Variants in JAZF1 observed in about 807,000 individuals in gnomAD.
JAZF1 encodes the protein juxtaposed with another zinc finger protein 1.
Under a neutral mutation model 26.4 loss-of-function variants are expected in JAZF1, and 8 were observed. The observed-to-expected ratio is 0.30, with a 90% CI of 0.18 to 0.55. The LOEUF (loss-of-function observed/expected upper bound fraction) is 0.55. JAZF1 is among the 20% of genes least tolerant of loss of function. The pLI, the probability that JAZF1 is intolerant of heterozygous loss-of-function variation, is 0.94. For missense variants in JAZF1, 199 were observed against 322.0 expected (o/e 0.62, Z 2.92); for synonymous variants, 126 against 122.3 (o/e 1.03, Z -0.20).
At chr7:28,006,634 C>T (rs566277347) in intron 1 of JAZF1, among the ~76,000 whole-genome samples, 5 of 152,268 alleles carry the variant, frequency 3.3e-5, no homozygotes, top group African/African-American at 4.8e-5. Context: ...TCTCCTGACC[C>T]ACCCCACTTC....
At chr7:27,869,648 C>T (rs553814625) in intron 3 of JAZF1, among the ~76,000 whole-genome samples, 3 of 152,184 alleles carry the variant, frequency 2.0e-5, no homozygotes, top group African/African-American at 4.8e-5. Flanking sequence ...ACATCCAGGA[C>T]GGGGCAGGCC....
At chr7:27,951,230 C>T (rs1184346769) in intron 2 of JAZF1, among the ~76,000 whole-genome samples, 1 of 152,154 alleles carries the variant, frequency 6.6e-6, no homozygotes, top group Non-Finnish European at 1.5e-5. Context: ...TCTGGGTGTG[C>T]TAACTTCCCT....
intron 2 of JAZF1, among the ~76,000 whole-genome samples, chr7:27,972,082 T>C (rs1430762378): frequency 1.3e-5 from 2 of 152,088 alleles, no homozygotes; most frequent in Non-Finnish European, 2.9e-5. Context: ...ACGACCAAGA[T>C]GGACAAAATC....
chr7:28,116,635 G>A (rs1156450671), intron 1 of JAZF1, among the ~76,000 whole-genome samples: 1 of 151,806 alleles, frequency 6.6e-6, no homozygotes, highest in African/African-American at 2.4e-5. Context: ...GCAGAGACGG[G>A]GTTTCACCAT....
At chr7:27,841,849 A>T (rs541366162) in intron 3 of JAZF1, 176 of 152,322 alleles carry the variant, frequency 1.2e-3, no homozygotes, top group African/African-American at 4.2e-3. Context: ...GTGTAAAATA[A>T]TATGTTGACA....
chr7:28,014,526 G>A (rs917559076), intron 1 of JAZF1, among the ~76,000 whole-genome samples: 4 of 152,190 alleles, frequency 2.6e-5, no homozygotes, highest in East Asian at 3.8e-4. Flanking sequence ...TTTTAAAAAG[G>A]GGAGTTTCCC....
chr7:28,082,900 C>T (rs1784158776), intron 1 of JAZF1, among the ~76,000 whole-genome samples: 1 of 152,206 alleles, frequency 6.6e-6, no homozygotes, highest in Admixed American at 6.5e-5. Flanking sequence ...ATTCCCAGCT[C>T]AGAACCCACC....
intron 1 of JAZF1, among the ~76,000 whole-genome samples, chr7:28,137,048 C>T (rs535223703): frequency 2.7e-4 from 41 of 152,334 alleles, no homozygotes; most frequent in Non-Finnish European, 4.9e-4. Context: ...ACAAGCTAGG[C>T]ATCCTGATAC....
intron 1 of JAZF1, among the ~76,000 whole-genome samples, chr7:28,165,929 T>C (rs1159326485): frequency 6.6e-6 from 1 of 152,226 alleles, no homozygotes; most frequent in African/African-American, 2.4e-5. Context: ...AGTGCCTGCA[T>C]AGTTGGCACT....
At chr7:27,929,898 T>G (rs1784657610) in intron 2 of JAZF1, among the ~76,000 whole-genome samples, 1 of 151,580 alleles carries the variant, frequency 6.6e-6, no homozygotes, top group African/African-American at 2.4e-5. Flanking sequence ...TTGGGAGAAT[T>G]TATTTCCTTC....
chr7:27,945,180 C>T (rs947275518), intron 2 of JAZF1, among the ~76,000 whole-genome samples: 2 of 151,896 alleles, frequency 1.3e-5, no homozygotes, highest in South Asian at 2.1e-4. Flanking sequence ...TTAAGCACAC[C>T]GCTGTTGGAC....
intron 2 of JAZF1, among the ~76,000 whole-genome samples, chr7:27,989,090 G>T (rs754500841): frequency 6.6e-6 from 1 of 151,836 alleles, no homozygotes; most frequent in Non-Finnish European, 1.5e-5. Flanking sequence ...CCAAAACAGA[G>T]ATGTAGACCA....
chr7:28,010,188 C>T (rs1337809425), intron 1 of JAZF1, among the ~76,000 whole-genome samples: 2 of 152,172 alleles, frequency 1.3e-5, no homozygotes, highest in East Asian at 1.9e-4. Flanking sequence ...GTCTCTCTTG[C>T]CTTTGGTTAG....
intron 1 of JAZF1, 64 bp from the exon 2 acceptor site, chr7:27,992,045 A>G (rs547862114): frequency 1.1e-6 from 1 of 911,996 alleles, no homozygotes; most frequent in Non-Finnish European, 1.8e-6. Context: ...AGGCTACCTA[A>G]CACAAAGTAA....
intron 2 of JAZF1, among the ~76,000 whole-genome samples, chr7:27,974,618 C>A (rs1176804384): frequency 3.9e-5 from 6 of 152,090 alleles, no homozygotes; most frequent in Admixed American, 3.9e-4. Context: ...GAATTCTCCA[C>A]GTCCACTAAG....
intron 1 of JAZF1, among the ~76,000 whole-genome samples, chr7:28,059,685 C>T (rs1315716155): frequency 6.6e-6 from 1 of 152,136 alleles, no homozygotes; most frequent in Non-Finnish European, 1.5e-5. Context: ...GCTCCTCTTT[C>T]CCTGGTCTGA....
intron 2 of JAZF1, among the ~76,000 whole-genome samples, chr7:27,959,747 A>AG (rs1036496413): frequency 6.6e-6 from 1 of 151,948 alleles, no homozygotes; most frequent in Admixed American, 6.6e-5. Context: ...TAAAAATAAA[A>AG]AAATTAGCTG....
intron 1 of JAZF1, among the ~76,000 whole-genome samples, chr7:28,176,306 A>G (rs942997562): frequency 1.3e-5 from 2 of 152,230 alleles, no homozygotes; most frequent in Non-Finnish European, 2.9e-5. Context: ...GATCACATGA[A>G]TAACTGAATT....
intron 1 of JAZF1, among the ~76,000 whole-genome samples, chr7:27,998,445 AAT>A (rs1262849745): frequency 6.6e-6 from 1 of 152,246 alleles, no homozygotes; most frequent in Admixed American, 6.5e-5. Context: ...TGCTGAAACA[AAT>A]AATGCTTGTT....
Sources: gnomAD v4.1 joint callset for allele counts (sites outside exome capture counted in the v4.1 genomes callset) on GRCh38, gnomAD v4.1.1 for gene constraint, MANE v1.5 for transcripts, NCBI Gene and HGNC (gene_info 2026-07-23, HGNC 2026-07-21) for gene names.